The following NBEAL1 variants were observed in gnomAD, a reference collection of about 807,000 sequenced individuals.
NBEAL1 encodes neurobeachin-like protein 1.
A neutral mutation model predicts 351.3 loss-of-function variants in NBEAL1; 273 were observed. The observed-to-expected ratio is 0.78, with a 90% CI of 0.70 to 0.86. NBEAL1 has a LOEUF of 0.86. Ranked by LOEUF, NBEAL1 falls within the 40% of genes least tolerant of loss-of-function variation. The pLI is 0.00. For synonymous variants in NBEAL1, 1,050 were observed against 1,086.4 expected (o/e 0.97, Z 0.66); for missense variants, 2,961 against 3,201.3 (o/e 0.92, Z 1.81).
intron 24 of NBEAL1, 120 bp from the exon 25 acceptor site, chr2:203,130,198 A>G (rs1293490887): frequency 4.3e-6 from 4 of 939,320 alleles, no homozygotes; most frequent in Non-Finnish European, 4.5e-6. Context: ...TATCAGATAT[A>G]GTGAAGTTAA....
At chr2:203,093,074 T>C (rs2062097900) in intron 10 of NBEAL1, among the ~76,000 whole-genome samples, 1 of 151,378 alleles carries the variant, frequency 6.6e-6, no homozygotes, top group South Asian at 2.1e-4. Flanking sequence ...CTACTAAAAA[T>C]ATAAAAAATT....
At position 203,084,578 on chromosome 2, in the gene NBEAL1, C is replaced by G; in HGVS notation, c.1098+9C>G. The G allele has an allele frequency of 1.4e-6, 2 of 1,428,506 alleles. No individual in the cohort carries two copies. The highest frequency in any genetic ancestry group is 2.6e-5 in the East Asian group (1 of 38,586). 88.5% of individuals were successfully genotyped at this position (1,428,506 alleles called of 1,614,324 possible). ...TGCTACAGAACTGCAAGGTATTTTTCTATTATTGTTGTTGTCTTTGATTTT... is the reference window on the plus strand; with the variant it reads ...TGCTACAGAACTGCAAGGTATTTTTGTATTATTGTTGTTGTCTTTGATTTT... On this transcript the variant is annotated intron_variant, in intron 10 of 55. Transcript: ENST00000683969.
At chr2:203,213,281 A>G (rs1269977734) in intron 54 of NBEAL1, among the ~76,000 whole-genome samples, 1 of 152,214 alleles carries the variant, frequency 6.6e-6, no homozygotes, top group East Asian at 1.9e-4. Flanking sequence ...TTGATTATAT[A>G]TGGTTAGAAG....
intron 4 of NBEAL1, among the ~76,000 whole-genome samples, chr2:203,053,880 A>G (rs1574903193): frequency 6.6e-6 from 1 of 152,208 alleles, no homozygotes; most frequent in South Asian, 2.1e-4. Context: ...TTTTAATAGT[A>G]TTTTGTAAAA....
intron 7 of NBEAL1, among the ~76,000 whole-genome samples, chr2:203,068,932 G>A (rs1014145012): frequency 2.6e-5 from 4 of 151,952 alleles, no homozygotes; most frequent in African/African-American, 7.3e-5. Context: ...GTTTCACCAT[G>A]CTGACCAGGC....
At chr2:203,207,028 G>A (rs546891270) in intron 51 of NBEAL1, among the ~76,000 whole-genome samples, 120 of 151,570 alleles carry the variant, frequency 7.9e-4, no homozygotes, top group African/African-American at 2.4e-3. Flanking sequence ...GTCTCTGTCC[G>A]GCCGCCCATC....
chr2:203,208,279 C>A (rs560999372), intron 51 of NBEAL1, among the ~76,000 whole-genome samples: 3 of 152,076 alleles, frequency 2.0e-5, no homozygotes, highest in South Asian at 2.1e-4. Flanking sequence ...GAATGAGAGA[C>A]CCTGTCTCAA....
chr2:203,133,009 T>G (rs1323723525), intron 26 of NBEAL1, 49 bp from the exon 27 acceptor site: 1 of 789,546 alleles, frequency 1.3e-6, no homozygotes, highest in Admixed American at 2.8e-5. Flanking sequence ...AGTTCTTTCT[T>G]TGGTTATCTC....
At chr2:203,190,744 C>G in intron 46 of NBEAL1, 6 of 1,606,092 alleles carry the variant, frequency 3.7e-6, no homozygotes, top group Non-Finnish European at 5.1e-6. Flanking sequence ...TCGGTCGTCC[C>G]GAATCCGGGT....
chr2:203,016,233 G>T lies in NBEAL1; in HGVS notation c.-152G>T. 1 of 442,010 alleles carries T rather than the reference G, an allele frequency of 2.3e-6. No homozygotes were observed. The allele number at this position is 442,010 out of a possible 1,614,324, so 27.4% of individuals were successfully genotyped here. The stretch of plus-strand genomic sequence containing the variant: ...GAAATTGCCTTTTTGTTTTTAACCA[G>T]AGGACAGTCCATTTGTTTCACTTCT... On this transcript the variant is annotated 5_prime_UTR_variant, in exon 2 of 56. Transcript: ENST00000683969.
intron 12 of NBEAL1, among the ~76,000 whole-genome samples, chr2:203,106,704 C>A (rs1253069275): frequency 6.6e-6 from 1 of 152,238 alleles, no homozygotes; most frequent in East Asian, 1.9e-4. Context: ...TCAACCATTT[C>A]TCTCCCTAAA....
chr2:203,141,513 G>A (rs149803042), intron 31 of NBEAL1, among the ~76,000 whole-genome samples: 40 of 149,406 alleles, frequency 2.7e-4, no homozygotes, highest in African/African-American at 7.9e-4. Context: ...CTCCCAAGTC[G>A]TTGGGGCTAC....
At chr2:203,186,972 C>T (rs1444610452) in intron 44 of NBEAL1, among the ~76,000 whole-genome samples, 2 of 152,196 alleles carry the variant, frequency 1.3e-5, no homozygotes, top group African/African-American at 4.8e-5. Flanking sequence ...GATTATTTTA[C>T]AGCCAAACCC....
chr2:203,206,591 T>A (rs538482454), intron 51 of NBEAL1, among the ~76,000 whole-genome samples: 1 of 36,970 alleles, frequency 2.7e-5, no homozygotes, highest in South Asian at 1.6e-3. Context: ...GGTTTTCGTA[T>A]TTTTTGGGTG....
chr2:203,096,127 A>G (rs1218774465), intron 10 of NBEAL1, among the ~76,000 whole-genome samples: 1 of 152,206 alleles, frequency 6.6e-6, no homozygotes, highest in Non-Finnish European at 1.5e-5. Flanking sequence ...GGATTATGTC[A>G]TTTAATATGT....
intron 17 of NBEAL1, among the ~76,000 whole-genome samples, chr2:203,115,601 A>G (rs528406315): frequency 4.1e-5 from 6 of 146,118 alleles, no homozygotes; most frequent in Non-Finnish European, 7.5e-5. Context: ...GCTAATTTTG[A>G]TATTTTTTTG....
At chr2:203,048,866 C>G (rs1230162076) in intron 3 of NBEAL1, among the ~76,000 whole-genome samples, 1 of 147,448 alleles carries the variant, frequency 6.8e-6, no homozygotes, top group African/African-American at 2.5e-5. Context: ...TGCCCATGCT[C>G]AGAGCTCTAC....
rs1310734204 is a variant in NBEAL1 at position 203,062,535 on chromosome 2, C to G, written c.515+5082C>G. On this transcript the variant is annotated intron_variant, in intron 6 of 55. Coordinates refer to ENST00000683969, the MANE Select transcript of NBEAL1 (RefSeq NM_001378026.1). This position sits in a 1 kb window ranked among gnomAD's most constrained non-coding sequence, Gnocchi z 4.2. ...GAGGAGAGGGAGCCCAAGCTAGGAG[C>G]GCAGCCCAGAGACCCAAAAAGAAGA... The G allele has an allele frequency of 4.4e-6, 1 of 226,094 alleles. No homozygotes were observed. The highest frequency in any genetic ancestry group is 8.9e-6 in the Non-Finnish European group (1 of 111,996). The allele number at this position is 226,094 out of a possible 1,614,324, so 14.0% of individuals were successfully genotyped here. A position where few individuals can be genotyped will look rare whatever the true frequency, so the allele number is the denominator to read the frequency against.
rs770479139 is a variant in NBEAL1, at chr2:203,183,382, A to G, written c.6699A>G (p.Lys2233=). 46 of 1,541,724 alleles carry G rather than the reference A, an allele frequency of 3.0e-5. No homozygotes were observed. The highest frequency in any genetic ancestry group is 4.0e-5 in the Non-Finnish European group (45 of 1,130,672). The change falls in exon 44 of 56, where the codon AAA becomes AAG. Residue 2233 remains lysine, a synonymous_variant. Coordinates refer to ENST00000683969, the MANE Select transcript of NBEAL1 (RefSeq NM_001378026.1). ...AAGATTTCATCTATAAACATAGGAA[A>G]GCTTTGGTAAGAGTTTTGCATTTAG... The part of the protein sequence containing the change: ...SAEDFIYKHR[K]ALESEYVSAH...
Sources: allele counts gnomAD v4.1 joint callset (sites outside exome capture counted in the v4.1 genomes callset), GRCh38; gene constraint gnomAD v4.1.1; non-coding constraint Gnocchi (gnomAD v3.1); transcripts MANE v1.5; gene names NCBI Gene and HGNC (gene_info 2026-07-23, HGNC 2026-07-21).